The following AGAP1 variants were observed in gnomAD, a reference collection of about 807,000 sequenced individuals.
The protein encoded by AGAP1 is arf-GAP with GTPase, ANK repeat and PH domain-containing protein 1.
In AGAP1, 29 loss-of-function variants were observed where a neutral mutation model predicts 105.3. That is an observed-to-expected ratio of 0.28 (90% confidence interval 0.21 to 0.38). The LOEUF is 0.38. Among genes scored for constraint, AGAP1 ranks in the 10% least tolerant of loss-of-function variants. The probability of loss-of-function intolerance (pLI) is 1.00; values close to 1 mark genes in which losing one functional copy is unlikely to be tolerated. For synonymous variants in AGAP1, 509 were observed against 485.9 expected (o/e 1.05, Z -0.63); for missense variants, 998 against 1,165.1 (o/e 0.86, Z 2.09).
chr2:235,775,238 T>G (rs1955773653), intron 6 of AGAP1, among the ~76,000 whole-genome samples: 1 of 152,164 alleles, frequency 6.6e-6, no homozygotes, highest in South Asian at 2.1e-4. Context: ...TAGCACACTC[T>G]TTGGCACAGG....
At chr2:235,809,152 C>T (rs999764516) in intron 9 of AGAP1, among the ~76,000 whole-genome samples, 1 of 151,968 alleles carries the variant, frequency 6.6e-6, no homozygotes, top group Non-Finnish European at 1.5e-5. Context: ...TCCCTCTGTG[C>T]GAGCCAGGTG....
At position 235,709,420 on chromosome 2, in the gene AGAP1, G is replaced by GC. The variant is rs570346633; in HGVS notation, c.222+187dup. Among the ~76,000 whole-genome samples, 3 of 152,246 alleles carry GC rather than the reference G, an allele frequency of 2.0e-5. No individual in the cohort carries two copies. In the East Asian group the frequency reaches 5.8e-4, roughly 30 times the overall value. On this transcript the variant is annotated intron_variant, in intron 2 of 17. Coordinates refer to ENST00000304032, the MANE Select transcript of AGAP1 (RefSeq NM_001037131.3). ...GGGACTAGAGTCCAAGTTCCTGAGTGCCCCTGGGACAGCTATGACAGCCAT... is the reference window on the plus strand; with the variant it reads ...GGGACTAGAGTCCAAGTTCCTGAGTGCCCCCTGGGACAGCTATGACAGCCAT...
Position 235,535,233 on chromosome 2 carries a change from G to T in AGAP1, c.163+40384G>T, listed in dbSNP as rs1196676986. ...AGGAGCGGAAGACCCGATGGAGCAG[G>T]TTTCACAGTGCCCTCGCTGCTGCCT... On this transcript the variant is annotated intron_variant, in intron 1 of 17. Transcript: ENST00000304032. This position sits in a 1 kb window ranked among gnomAD's most constrained non-coding sequence, Gnocchi z 5.1. Among the ~76,000 whole-genome samples, 1 of 152,124 alleles carries T rather than the reference G, an allele frequency of 6.6e-6. No individual in the cohort carries two copies. Among genetic ancestry groups the T allele is most frequent in the Non-Finnish European group, 1.5e-5 (1 of 68,032 alleles).
chr2:235,914,274 G>C (rs2051764132), intron 11 of AGAP1, among the ~76,000 whole-genome samples: 1 of 152,172 alleles, frequency 6.6e-6, no homozygotes, highest in Non-Finnish European at 1.5e-5. Context: ...AGACTGGATT[G>C]TGTTGCCTCC....
chr2:236,124,029 C>G lies in AGAP1; in HGVS notation c.2481C>G (p.Pro827=). Residue 827 remains proline (P), a synonymous_variant, in exon 18 of 18, where the codon CCC becomes CCG. Coordinates refer to ENST00000304032, the MANE Select transcript of AGAP1 (RefSeq NM_001037131.3). This position sits in a 1 kb window ranked among gnomAD's most constrained non-coding sequence, Gnocchi z 5.1. ...ACGTGCTGCTGCAGTACGGCTGCCC[C>G]GACGAGCGCTTCGTGCTCATGGCCA... ...CIDVLLQYGC[P]DERFVLMATP... The G allele has an allele frequency of 1.2e-6, 2 of 1,614,048 alleles. No individual in the cohort carries two copies. Among genetic ancestry groups the G allele is most frequent in the South Asian group, 1.1e-5 (1 of 91,056 alleles).
chr2:235,903,660 G>A (rs1304720683), intron 10 of AGAP1, among the ~76,000 whole-genome samples: 1 of 152,180 alleles, frequency 6.6e-6, no homozygotes, highest in East Asian at 1.9e-4. Context: ...GACGGGAGAG[G>A]CCATCAGGCA....
chr2:235,578,015 G>A lies in AGAP1; in HGVS notation c.163+83166G>A, dbSNP rs1449018694. Among the ~76,000 whole-genome samples, 6 of 152,070 alleles carry A rather than the reference G, an allele frequency of 3.9e-5. No homozygotes were observed. The highest frequency in any genetic ancestry group is 7.2e-5 in the African/African-American group (3 of 41,402). ...CCAGGTGCCTGCGTGTGCTGGTCCC[G>A]CCATCAGGACTTCCCCTCGTGAGGA... On this transcript the variant is annotated intron_variant, in intron 1 of 17. Transcript: ENST00000304032. The surrounding 1 kb of genome is among the most constrained non-coding windows in gnomAD (Gnocchi z 4.9).
rs1574832827 is a variant in AGAP1 at position 235,552,450 on chromosome 2, G to A, written c.163+57601G>A. On this transcript the variant is annotated intron_variant, in intron 1 of 17. Coordinates refer to ENST00000304032, the MANE Select transcript of AGAP1 (RefSeq NM_001037131.3). The surrounding 1 kb of genome is among the most constrained non-coding windows in gnomAD (Gnocchi z 5.9). ...CCAACTAAGTCAAGTAGAGCCATTG[G>A]CTGCTTGAGTGCAGTGCAGAGCACT... Among the ~76,000 whole-genome samples, 1 of 152,294 alleles carries A rather than the reference G, an allele frequency of 6.6e-6. No individual in the cohort carries two copies. Among genetic ancestry groups the A allele is most frequent in the East Asian group, 1.9e-4 (1 of 5,168 alleles).
Position 235,797,855 on chromosome 2 carries a change from C to T in AGAP1, c.770C>T (p.Ser257Phe). ...TCTCCCAGCCATTCCTCCGTCTGTT[C>T]CGCGCAGGTGTCTGCCGTGCACATC... ...PNSPSHSSVC[S>F]AQVSAVHISQ... Residue 257 changes from serine to phenylalanine, a missense_variant, in exon 7 of 18, where the codon TCC becomes TTC. Coordinates refer to ENST00000304032, the MANE Select transcript of AGAP1 (RefSeq NM_001037131.3). 6.2e-7 allele frequency: 1 copy of T among 1,614,218 alleles called. No homozygotes were observed. The highest frequency in any genetic ancestry group is 2.2e-5 in the East Asian group (1 of 44,886).
rs991406275 is a variant in AGAP1 at position 236,045,833 on chromosome 2, A to G, written c.1892-3226A>G. 1.3e-4 allele frequency: 51 copies of G among 406,590 alleles called. No homozygotes were observed. Among genetic ancestry groups the G allele is most frequent in the African/African-American group, 1.0e-3 (51 of 48,740 alleles). 25.2% of individuals were successfully genotyped at this position (406,590 alleles called of 1,614,324 possible). ...GTCATTCTCTGCTGGAGCGGAGGCAAGGTTCTCCCCTCAGTCAGCCCCAGC... is the reference window on the plus strand; with the variant it reads ...GTCATTCTCTGCTGGAGCGGAGGCAGGGTTCTCCCCTCAGTCAGCCCCAGC... On this transcript the variant is annotated intron_variant, in intron 15 of 17. Transcript: ENST00000304032. This position sits in a 1 kb window ranked among gnomAD's most constrained non-coding sequence, Gnocchi z 6.9.
rs1314287073 is a variant in AGAP1, at chr2:235,930,442, C to G, written c.1325-323C>G. ...GGATCGCGGTGTCTCTGCTAAGACT[C>G]GCTGGGTCTTTTGTCTTCACTTCCA... On this transcript the variant is annotated intron_variant, in intron 11 of 17. Coordinates refer to ENST00000304032, the MANE Select transcript of AGAP1 (RefSeq NM_001037131.3). This position sits in a 1 kb window ranked among gnomAD's most constrained non-coding sequence, Gnocchi z 7.9. Among the ~76,000 whole-genome samples, 1 of 152,196 alleles carries G rather than the reference C, an allele frequency of 6.6e-6. No individual in the cohort carries two copies. Among genetic ancestry groups the G allele is most frequent in the Non-Finnish European group, 1.5e-5 (1 of 68,042 alleles).
intron 13 of AGAP1, among the ~76,000 whole-genome samples, chr2:236,024,620 G>C (rs902405036): frequency 2.0e-5 from 3 of 152,090 alleles, no homozygotes; most frequent in African/African-American, 7.2e-5. Flanking sequence ...AAAAATAATT[G>C]ATGACGGATT....
rs1447651625 is a variant in AGAP1 at position 235,979,563 on chromosome 2, T to C, written c.1645+10940T>C. 1.3e-5 allele frequency among the ~76,000 whole-genome samples: 2 copies of C among 152,202 alleles called. No homozygotes were observed. The highest frequency in any genetic ancestry group is 1.9e-4 in the East Asian group (1 of 5,182). ...CCCCTTTCTCATCTCAGACATACCA[T>C]AGGCACCAAGGTGTGGAGCCAGTGA... On this transcript the variant is annotated intron_variant, in intron 13 of 17. Coordinates refer to ENST00000304032, the MANE Select transcript of AGAP1 (RefSeq NM_001037131.3). The surrounding 1 kb of genome is among the most constrained non-coding windows in gnomAD (Gnocchi z 4.5).
rs573425724 is a variant in AGAP1, at chr2:235,709,762, C to T, written c.222+525C>T. Among the ~76,000 whole-genome samples the T allele has an allele frequency of 7.3e-4, 111 of 152,302 alleles. 2 individuals are homozygous for T. In the South Asian group the frequency reaches 0.012, roughly 16 times the overall value. ...TTGTCTTTTACGAACCTTACCCTTT[C>T]GGTGAAATTATGTAGAGCTTCAAAT... On this transcript the variant is annotated intron_variant, in intron 2 of 17. Transcript: ENST00000304032.
chr2:236,045,262 C>T lies in AGAP1; in HGVS notation c.1892-3797C>T, dbSNP rs1368387005. 2.6e-5 allele frequency among the ~76,000 whole-genome samples: 4 copies of T among 152,254 alleles called. No homozygotes were observed. The East Asian group carries it at 5.8e-4, about 22-fold the overall frequency. On this transcript the variant is annotated intron_variant, in intron 15 of 17. Coordinates refer to ENST00000304032, the MANE Select transcript of AGAP1 (RefSeq NM_001037131.3). The surrounding 1 kb of genome is among the most constrained non-coding windows in gnomAD (Gnocchi z 6.9). ...GCTTGGTCTGTCCTCATAGAATCTA[C>T]GTCCTGCATTTCTGTGGGCAGGGAT...
At chr2:235,762,879 ACAG>A (rs1954569779) in intron 6 of AGAP1, among the ~76,000 whole-genome samples, 3 of 152,178 alleles carry the variant, frequency 2.0e-5, no homozygotes, top group Admixed American at 2.0e-4. Context: ...TCTCAAAAAA[ACAG>A]GAAAGAAAGA....
At chr2:235,679,407 A>T (rs921776923) in intron 1 of AGAP1, among the ~76,000 whole-genome samples, 4 of 152,220 alleles carry the variant, frequency 2.6e-5, no homozygotes, top group African/African-American at 9.7e-5. Context: ...CCGAAGCTCC[A>T]AGTATAAGCC....
chr2:235,794,918 CTTGGATAATCA>C (rs2150028921), intron 6 of AGAP1, among the ~76,000 whole-genome samples: 1 of 152,236 alleles, frequency 6.6e-6, no homozygotes, highest in East Asian at 1.9e-4. Context: ...ACATTTATTT[CTTGGATAATCA>C]AATATAGACA....
Position 235,994,638 on chromosome 2 carries a change from G to A in AGAP1, c.1645+26015G>A, listed in dbSNP as rs554860470. On this transcript the variant is annotated intron_variant, in intron 13 of 17. Coordinates refer to ENST00000304032, the MANE Select transcript of AGAP1 (RefSeq NM_001037131.3). This position sits in a 1 kb window ranked among gnomAD's most constrained non-coding sequence, Gnocchi z 4.4. ...CGACTTTCCCAACGCCTCGCAGCCC[G>A]ATGATACAGAGACGGGGCAGCAGTG... 2.6e-5 allele frequency among the ~76,000 whole-genome samples: 4 copies of A among 152,268 alleles called. No individual in the cohort carries two copies. Among genetic ancestry groups the A allele is most frequent in the Non-Finnish European group, 4.4e-5 (3 of 68,028 alleles).
Sources: gnomAD v4.1 joint callset for allele counts (sites outside exome capture counted in the v4.1 genomes callset) on GRCh38, gnomAD v4.1.1 for gene constraint, Gnocchi (gnomAD v3.1) non-coding constraint, MANE v1.5 for transcripts, NCBI Gene and HGNC (gene_info 2026-07-23, HGNC 2026-07-21) for gene names.